Variants in PLD1 observed in about 807,000 individuals in gnomAD.
The protein encoded by PLD1 is phospholipase D1, also known as choline phosphatase 1.
PLD1 carries 112 observed loss-of-function variants against 137.1 expected under a neutral mutation model. The observed-to-expected ratio is 0.82, with a 90% confidence interval of 0.70 to 0.96. The LOEUF is 0.96. Ranked by LOEUF, PLD1 falls within the 40% of genes least tolerant of loss-of-function variation. PLD1 has a pLI of 0.00. For synonymous variants in PLD1, 431 were observed against 454.7 expected, an observed-to-expected ratio of 0.95 and a Z score of 0.66; for missense variants, 1,321 against 1,342.0, an observed-to-expected ratio of 0.98 and a Z score of 0.24.
chr3:171,689,475 TTTCCTTCCTTCCCTCC>T lies in PLD1; in HGVS notation c.1339-615_1339-600del, dbSNP rs1443650628. On this transcript the variant is annotated intron_variant, in intron 13 of 26. Coordinates refer to ENST00000351298, the MANE Select transcript of PLD1 (RefSeq NM_002662.5). ...AAAGCTTTGGCAACTACTTTCCTCTTTTCCTTCCTTCCCTCCTTCCTTCCTTCCTTCCTTCCTTTCT... is the reference window on the plus strand; with the variant it reads ...AAAGCTTTGGCAACTACTTTCCTCTTTTCCTTCCTTCCTTCCTTCCTTTCT... Among the ~76,000 whole-genome samples, 3 of 150,228 alleles carry T rather than the reference TTTCCTTCCTTCCCTCC, an allele frequency of 2.0e-5. No homozygotes were observed. In the East Asian group the frequency reaches 5.8e-4, roughly 29 times the overall value.
At chr3:171,626,227 C>T (rs1390031824) in intron 23 of PLD1, among the ~76,000 whole-genome samples, 2 of 152,092 alleles carry the variant, frequency 1.3e-5, no homozygotes, top group East Asian at 1.9e-4. Flanking sequence ...AGAGCCGATG[C>T]GATCAACTGG....
At chr3:171,790,765 G>T (rs1723182771) in intron 1 of PLD1, among the ~76,000 whole-genome samples, 2 of 152,162 alleles carry the variant, frequency 1.3e-5, no homozygotes, top group East Asian at 3.8e-4. Flanking sequence ...GCAGATTGGA[G>T]AGCTCTAGAG....
chr3:171,717,600 T>C (rs748217666), intron 8 of PLD1, among the ~76,000 whole-genome samples: 1 of 152,220 alleles, frequency 6.6e-6, no homozygotes, highest in South Asian at 2.1e-4. Flanking sequence ...TTGCTGAAGA[T>C]GTATATCAGC....
chr3:171,766,432 T>A (rs936161032), intron 1 of PLD1, among the ~76,000 whole-genome samples: 29 of 152,166 alleles, frequency 1.9e-4, no homozygotes, highest in Non-Finnish European at 4.3e-4. Flanking sequence ...AAGGTGATCA[T>A]CCGTTCTATT....
At chr3:171,793,032 C>CGGCG in intron 1 of PLD1, 1 of 246,350 alleles carries the variant, frequency 4.1e-6, no homozygotes, top group South Asian at 4.6e-5. Flanking sequence ...CACGTGGGAA[C>CGGCG]ACAAACCAGT....
intron 1 of PLD1, among the ~76,000 whole-genome samples, chr3:171,764,589 C>G (rs1300852398): frequency 1.3e-5 from 2 of 151,812 alleles, no homozygotes; most frequent in East Asian, 3.9e-4. Flanking sequence ...TTAGACACTC[C>G]AGAGGCCAAA....
rs1722678884 is a variant in PLD1, at chr3:171,778,856, A to AAG, written c.-32+31542_-32+31543insCT. 2.0e-5 allele frequency among the ~76,000 whole-genome samples: 3 copies of AAG among 152,350 alleles called. No individual in the cohort carries two copies. The South Asian group carries it at 6.2e-4, about 32-fold the overall frequency. Reference sequence around the variant, plus strand: ...GAAAGGTTTTAATCAAGAAAGTGAAACACTGTGCCATTTGAAAAGATTACA... The same window carrying AAG: ...GAAAGGTTTTAATCAAGAAAGTGAAAAGCACTGTGCCATTTGAAAAGATTACA... On this transcript the variant is annotated intron_variant, in intron 1 of 26. Transcript: ENST00000351298.
At chr3:171,620,639 A>G (rs927741926) in intron 23 of PLD1, 119 bp from the exon 24 acceptor site, 3 of 448,836 alleles carry the variant, frequency 6.7e-6, no homozygotes, top group Non-Finnish European at 1.2e-5. Flanking sequence ...TGTATATTAT[A>G]TGTATATGTT....
chr3:171,615,593 G>C (rs1733039599), intron 24 of PLD1, among the ~76,000 whole-genome samples: 1 of 152,116 alleles, frequency 6.6e-6, no homozygotes, highest in Non-Finnish European at 1.5e-5. Flanking sequence ...CAAAAAAAGA[G>C]TTTACTTCTG....
chr3:171,672,427 C>T (rs1413951324), intron 19 of PLD1, among the ~76,000 whole-genome samples: 2 of 152,064 alleles, frequency 1.3e-5, no homozygotes, highest in Non-Finnish European at 2.9e-5. Flanking sequence ...GCCACCTGAA[C>T]ATGTGAGGGA....
intron 1 of PLD1, among the ~76,000 whole-genome samples, chr3:171,748,271 C>T (rs577895108): frequency 2.0e-5 from 3 of 152,114 alleles, no homozygotes; most frequent in African/African-American, 4.8e-5. Flanking sequence ...TTTGTACAAC[C>T]GCTGGATTGA....
At chr3:171,690,101 G>A (rs184561982) in intron 13 of PLD1, among the ~76,000 whole-genome samples, 60 of 152,218 alleles carry the variant, frequency 3.9e-4, no homozygotes, top group Admixed American at 2.9e-3. Context: ...TCATGATTTA[G>A]TCTTGGTAGT....
In PLD1 at chr3:171,630,799, G is replaced by C. The variant is rs531897938; in HGVS notation, c.2594-10279C>G. Among the ~76,000 whole-genome samples, 166 of 145,986 alleles carry C rather than the reference G, an allele frequency of 1.1e-3. 2 individuals carry two copies. The South Asian group carries it at 0.015, about 13-fold the overall frequency. ...AAACACCACATATTCTCACTCATAG[G>C]TGGGAACTGAACAATGAGAACACAC... On this transcript the variant is annotated intron_variant, in intron 23 of 26. Coordinates refer to ENST00000351298, the MANE Select transcript of PLD1 (RefSeq NM_002662.5).
chr3:171,716,191 G>A (rs4894503), intron 8 of PLD1, among the ~76,000 whole-genome samples: 54,785 of 151,952 alleles, frequency 0.36, 11,036 homozygotes, highest in African/African-American at 0.52. Flanking sequence ...TTGTGCTGCA[G>A]TGAAAATACA....
intron 12 of PLD1, among the ~76,000 whole-genome samples, chr3:171,695,088 G>A (rs770884764): frequency 2.0e-5 from 3 of 152,156 alleles, no homozygotes; most frequent in Middle Eastern, 3.2e-3. Flanking sequence ...TTTGGTCAAG[G>A]TATTGACTAT....
At chr3:171,782,997 G>C (rs140346981) in intron 1 of PLD1, among the ~76,000 whole-genome samples, 2 of 152,262 alleles carry the variant, frequency 1.3e-5, no homozygotes, top group Non-Finnish European at 2.9e-5. Flanking sequence ...AAAGAGCAGG[G>C]GATGGGGGAC....
At chr3:171,670,070 C>G (rs1712588835) in intron 19 of PLD1, among the ~76,000 whole-genome samples, 1 of 152,148 alleles carries the variant, frequency 6.6e-6, no homozygotes, top group Admixed American at 6.5e-5. Context: ...CTTAAAAAGT[C>G]AATCTCATGC....
intron 23 of PLD1, among the ~76,000 whole-genome samples, chr3:171,642,457 C>CAAA (rs1230947984): frequency 0.05 from 1,614 of 32,544 alleles, 145 homozygotes; most frequent in African/African-American, 0.15. Flanking sequence ...AACCCAGTCT[C>CAAA]AAAAAAAAAA....
chr3:171,629,786 G>A (rs1734501523), intron 23 of PLD1, among the ~76,000 whole-genome samples: 1 of 152,184 alleles, frequency 6.6e-6, no homozygotes, highest in African/African-American at 2.4e-5. Flanking sequence ...TCAATAAATG[G>A]TGCTGGGAAA....
Sources: allele counts gnomAD v4.1 joint callset (sites outside exome capture counted in the v4.1 genomes callset), GRCh38; gene constraint gnomAD v4.1.1; transcripts MANE v1.5; gene names NCBI Gene and HGNC (gene_info 2026-07-23, HGNC 2026-07-21).